The following PSMD9 variants were observed in gnomAD, a reference collection of about 807,000 sequenced individuals.
PSMD9 encodes 26S proteasome non-ATPase regulatory subunit 9.
Under a neutral mutation model 25.9 loss-of-function variants are expected in PSMD9, and 26 were observed. The observed-to-expected ratio is 1.00, with a 90% CI of 0.73 to 1.39. The LOEUF (loss-of-function observed/expected upper bound fraction) is 1.39. PSMD9 is among the 40% of genes most tolerant of loss of function. PSMD9 has a pLI of 0.00. For synonymous variants in PSMD9, 110 were observed against 114.5 expected, an observed-to-expected ratio of 0.96 and a Z score of 0.25; for missense variants, 303 against 299.3, an observed-to-expected ratio of 1.01 and a Z score of -0.09.
intron 2 of PSMD9, among the ~76,000 whole-genome samples, chr12:121,895,571 C>A (rs1879206308): frequency 6.6e-6 from 1 of 152,102 alleles, no homozygotes; most frequent in Non-Finnish European, 1.5e-5. Flanking sequence ...TAGGGGAGAA[C>A]CTGTTCCTGG....
chr12:121,911,554 TCTG>T (rs1183196672), intron 4 of PSMD9, among the ~76,000 whole-genome samples: 1 of 152,240 alleles, frequency 6.6e-6, no homozygotes, highest in Non-Finnish European at 1.5e-5. Flanking sequence ...TGTTCAAATC[TCTG>T]CTTTCATTTC....
At chr12:121,895,835 C>T (rs1054085853) in intron 2 of PSMD9, among the ~76,000 whole-genome samples, 3 of 152,190 alleles carry the variant, frequency 2.0e-5, no homozygotes, top group East Asian at 3.8e-4. Flanking sequence ...GTGGCATATT[C>T]CCAGCTTCTA....
intron 2 of PSMD9, 139 bp from the exon 3 acceptor site, chr12:121,899,495 C>G (rs558673911): frequency 1.3e-5 from 10 of 756,244 alleles, no homozygotes; most frequent in African/African-American, 1.2e-4. Context: ...TGTCCTCTGT[C>G]TTGGTCAGAG....
intron 4 of PSMD9, among the ~76,000 whole-genome samples, chr12:121,910,716 C>T (rs1879694622): frequency 6.6e-6 from 1 of 151,434 alleles, no homozygotes; most frequent in Non-Finnish European, 1.5e-5. Flanking sequence ...GCCGAGATCA[C>T]GCCACTGCAC....
At chr12:121,890,856 C>T (rs1208283390) in intron 1 of PSMD9, among the ~76,000 whole-genome samples, 3 of 152,064 alleles carry the variant, frequency 2.0e-5, no homozygotes, top group Non-Finnish European at 4.4e-5. Flanking sequence ...AGGTCAGATG[C>T]TTTGCATGTT....
intron 4 of PSMD9, among the ~76,000 whole-genome samples, chr12:121,910,380 G>A (rs916974178): frequency 6.6e-5 from 10 of 150,670 alleles, no homozygotes; most frequent in Non-Finnish European, 1.0e-4. Flanking sequence ...TACCATGCCC[G>A]GCCTATGCTG....
chr12:121,906,009 G>A (rs1196842176), intron 4 of PSMD9, among the ~76,000 whole-genome samples: 1 of 150,346 alleles, frequency 6.7e-6, no homozygotes, highest in African/African-American at 2.5e-5. Context: ...TGAGTCTGGT[G>A]TTCTTCACTC....
chr12:121,918,019 G>A lies in PSMD9; in HGVS notation c.*1708G>A, dbSNP rs534991173. 6.6e-6 allele frequency: 1 copy of A among 152,330 alleles called. No individual in the cohort carries two copies. Among genetic ancestry groups the A allele is most frequent in the Admixed American group, 6.5e-5 (1 of 15,286 alleles). 9.4% of individuals were successfully genotyped at this position (152,330 alleles called of 1,614,324 possible). ...TGGCTCTGGCTGGTTTCCTGCAGGG[G>A]TCCCAGTGGAAACCCGTGTGGCCAC... On this transcript the variant is annotated 3_prime_UTR_variant, in exon 6 of 6. Coordinates refer to ENST00000541212, the MANE Select transcript of PSMD9 (RefSeq NM_002813.7). The surrounding 1 kb of genome is among the most constrained non-coding windows in gnomAD (Gnocchi z 4.3).
chr12:121,905,313 T>C (rs534635848), intron 4 of PSMD9, among the ~76,000 whole-genome samples: 1 of 147,482 alleles, frequency 6.8e-6, no homozygotes, highest in Non-Finnish European at 1.5e-5. Context: ...AAGCTCTGCC[T>C]CCCAGGTTCA....
chr12:121,896,455 G>A (rs553724280), intron 2 of PSMD9, among the ~76,000 whole-genome samples: 61 of 151,198 alleles, frequency 4.0e-4, no homozygotes, highest in Non-Finnish European at 8.5e-4. Flanking sequence ...GGGCGACAGA[G>A]CAAACAAAAC....
At chr12:121,897,580 A>G (rs56204816) in intron 2 of PSMD9, 1 of 150,164 alleles carries the variant, frequency 6.7e-6, no homozygotes, top group Non-Finnish European at 1.5e-5. Context: ...GTATTTTTTT[A>G]GTAGAGACGG....
chr12:121,913,037 C>T (rs1035181969), intron 4 of PSMD9, among the ~76,000 whole-genome samples: 82 of 150,384 alleles, frequency 5.5e-4, no homozygotes, highest in Middle Eastern at 3.4e-3. Flanking sequence ...CCTGGGTTGA[C>T]GCCATTCTCC....
chr12:121,892,616 G>C (rs1490650716), intron 1 of PSMD9, among the ~76,000 whole-genome samples: 1 of 152,046 alleles, frequency 6.6e-6, no homozygotes, highest in Non-Finnish European at 1.5e-5. Context: ...CAGGAGAAGG[G>C]CCTGAACCCA....
At chr12:121,901,848 AT>A (rs1879410150) in intron 3 of PSMD9, among the ~76,000 whole-genome samples, 1 of 150,448 alleles carries the variant, frequency 6.6e-6, no homozygotes, top group Non-Finnish European at 1.5e-5. Flanking sequence ...GCTAATTTTT[AT>A]TTTTTGTATT....
intron 4 of PSMD9, among the ~76,000 whole-genome samples, chr12:121,906,521 T>C (rs1387461786): frequency 1.3e-5 from 2 of 149,944 alleles, no homozygotes; most frequent in East Asian, 3.9e-4. Flanking sequence ...AATAAGAAAT[T>C]AGGCCTGGCA....
At chr12:121,916,002 A>T (rs1879890253) in intron 5 of PSMD9, 58 bp downstream of exon 5, 1 of 1,540,956 alleles carries the variant, frequency 6.5e-7, no homozygotes, top group African/African-American at 1.4e-5. Flanking sequence ...TTTGTTAAAC[A>T]TGAAGCTGGA....
chr12:121,916,032 T>C, intron 5 of PSMD9, 88 bp downstream of exon 5: 3 of 1,400,522 alleles, frequency 2.1e-6, no homozygotes, highest in Admixed American at 1.9e-5. Flanking sequence ...TGGGGAGACA[T>C]TGGGGAATAA....
Position 121,889,031 on chromosome 12 carries a change from C to T in PSMD9, c.138+37C>T, listed in dbSNP as rs531195654. On this transcript the variant is annotated intron_variant, in intron 1 of 5. Coordinates refer to ENST00000541212, the MANE Select transcript of PSMD9 (RefSeq NM_002813.7). ...TTCGGGGCGCCCCAAGTCGCCTAAC[C>T]CGGCCCGGAGTCCCTGGGGTACTGG... The T allele has an allele frequency of 2.8e-5, 44 of 1,558,772 alleles. No homozygotes were observed. In the African/African-American group the frequency reaches 5.5e-4, roughly 20 times the overall value.
intron 1 of PSMD9, 50 bp downstream of exon 1, chr12:121,889,044 C>T (rs1878978692): frequency 1.3e-6 from 2 of 1,547,542 alleles, no homozygotes; most frequent in Non-Finnish European, 1.8e-6. Flanking sequence ...GCCCGGAGTC[C>T]CTGGGGTACT....
Sources: allele counts gnomAD v4.1 joint callset (sites outside exome capture counted in the v4.1 genomes callset), GRCh38; gene constraint gnomAD v4.1.1; non-coding constraint Gnocchi (gnomAD v3.1); transcripts MANE v1.5; gene names NCBI Gene and HGNC (gene_info 2026-07-23, HGNC 2026-07-21).